The following FGF18 variants were observed in gnomAD, a reference collection of about 807,000 sequenced individuals.
FGF18 encodes the protein fibroblast growth factor 18.
FGF18 carries 5 observed loss-of-function variants against 23.0 expected under a neutral mutation model. That is an observed-to-expected ratio of 0.22 (90% CI 0.11 to 0.46). The LOEUF is 0.46. Ranked by LOEUF, FGF18 falls within the 20% of genes least tolerant of loss-of-function variation. The pLI, the probability that FGF18 is intolerant of heterozygous loss-of-function variation, is 0.99. For synonymous variants in FGF18, 117 were observed against 118.9 expected (o/e 0.98, Z 0.10); for missense variants, 180 against 291.6 (o/e 0.62, Z 2.79).
chr5:171,448,250 G>A (rs1011889634), intron 3 of FGF18, among the ~76,000 whole-genome samples: 1 of 152,200 alleles, frequency 6.6e-6, no homozygotes, highest in Admixed American at 6.5e-5. Flanking sequence ...GGGAATCCCA[G>A]TGGGGATCCG....
At chr5:171,453,966 A>C (rs1215637942) in intron 4 of FGF18, among the ~76,000 whole-genome samples, 1 of 151,932 alleles carries the variant, frequency 6.6e-6, no homozygotes, top group Non-Finnish European at 1.5e-5. Context: ...TGCTCGGGGC[A>C]CCCCTGTCTT....
rs1772578517 is a variant in FGF18, at chr5:171,456,276, C to CG, written c.358-263_358-262insG. On this transcript the variant is annotated intron_variant, in intron 4 of 4. Transcript: ENST00000274625. The surrounding 1 kb of genome is among the most constrained non-coding windows in gnomAD (Gnocchi z 6.1). Reference sequence around the variant, plus strand: ...CACCCTGGCCTGTCCTCAGCAAAGTCTCTGTTAGGTGGCTTTAGCCAGAAT... The same window carrying CG: ...CACCCTGGCCTGTCCTCAGCAAAGTCGTCTGTTAGGTGGCTTTAGCCAGAAT... Among the ~76,000 whole-genome samples the CG allele has an allele frequency of 1.3e-5, 2 of 152,186 alleles. No homozygotes were observed. The highest frequency in any genetic ancestry group is 1.3e-4 in the Admixed American group (2 of 15,280).
At chr5:171,453,311 G>A (rs978306686) in intron 4 of FGF18, among the ~76,000 whole-genome samples, 2 of 152,156 alleles carry the variant, frequency 1.3e-5, no homozygotes, top group African/African-American at 4.8e-5. Context: ...TAGCCCCAGG[G>A]CTGGTTCCCA....
chr5:171,441,567 T>G (rs750161001), intron 3 of FGF18, among the ~76,000 whole-genome samples: 2 of 152,222 alleles, frequency 1.3e-5, no homozygotes, highest in Non-Finnish European at 2.9e-5. Flanking sequence ...GATTGTCTCC[T>G]TATCAGAGAG....
At chr5:171,448,086 T>G (rs1395084957) in intron 3 of FGF18, among the ~76,000 whole-genome samples, 2 of 152,096 alleles carry the variant, frequency 1.3e-5, no homozygotes, top group Admixed American at 1.3e-4. Flanking sequence ...GAGGAAAAGA[T>G]TTGGACACAG....
intron 2 of FGF18, among the ~76,000 whole-genome samples, chr5:171,432,339 G>A (rs1042764023): frequency 6.6e-6 from 1 of 151,772 alleles, no homozygotes; most frequent in African/African-American, 2.4e-5. Context: ...GGTCGCTGAG[G>A]TGCCATGTCT....
chr5:171,439,351 T>G (rs535065670), intron 3 of FGF18, among the ~76,000 whole-genome samples: 1 of 152,334 alleles, frequency 6.6e-6, no homozygotes, highest in Non-Finnish European at 1.5e-5. Flanking sequence ...AGGGACTTTC[T>G]TAGCCTTGCC....
chr5:171,450,887 A>T (rs972606421), intron 4 of FGF18, among the ~76,000 whole-genome samples: 2 of 151,510 alleles, frequency 1.3e-5, no homozygotes, highest in Non-Finnish European at 2.9e-5. Context: ...ACCTGCTTTG[A>T]GTTTTCGGCT....
chr5:171,451,152 T>TC lies in FGF18; in HGVS notation c.357+1902dup, dbSNP rs1476271176. Among the ~76,000 whole-genome samples, 1 of 147,584 alleles carries TC rather than the reference T, an allele frequency of 6.8e-6. No homozygotes were observed. Among genetic ancestry groups the TC allele is most frequent in the Non-Finnish European group, 1.5e-5 (1 of 66,950 alleles). On this transcript the variant is annotated intron_variant, in intron 4 of 4. Coordinates refer to ENST00000274625, the MANE Select transcript of FGF18 (RefSeq NM_003862.3). This position sits in a 1 kb window ranked among gnomAD's most constrained non-coding sequence, Gnocchi z 4.5. The stretch of plus-strand genomic sequence containing the variant: ...CGATTTCCTGCCCCCTCGCCCTCTC[T>TC]CCCGTCATTAATATTGGTGACGGTT...
chr5:171,429,223 C>T (rs2113334915), intron 2 of FGF18, among the ~76,000 whole-genome samples: 1 of 152,358 alleles, frequency 6.6e-6, no homozygotes, highest in African/African-American at 2.4e-5. Context: ...GCTTCAGATC[C>T]AGAGATGGGT....
chr5:171,420,489 G>A, intron 2 of FGF18, 46 bp downstream of exon 2: 1 of 1,586,378 alleles, frequency 6.3e-7, no homozygotes, highest in Non-Finnish European at 8.6e-7. Flanking sequence ...CTGCCTCGCG[G>A]TACACGCCGA....
chr5:171,433,132 T>TG (rs2113340898), intron 2 of FGF18, among the ~76,000 whole-genome samples: 1 of 152,222 alleles, frequency 6.6e-6, no homozygotes, highest in African/African-American at 2.4e-5. Context: ...GCCACCTCCC[T>TG]GGGGGCTGAT....
At chr5:171,439,399 T>A (rs1317242474) in intron 3 of FGF18, among the ~76,000 whole-genome samples, 1 of 152,134 alleles carries the variant, frequency 6.6e-6, no homozygotes, top group East Asian at 1.9e-4. Context: ...GCCAGAGGGC[T>A]GGAGGCTTAG....
intron 2 of FGF18, among the ~76,000 whole-genome samples, chr5:171,433,504 C>T (rs760402739): frequency 9.2e-5 from 14 of 152,152 alleles, no homozygotes; most frequent in South Asian, 6.2e-4. Context: ...GGGAGTCTTC[C>T]GGACAAATGC....
In FGF18 at chr5:171,436,136, A is replaced by G; in HGVS notation, c.113A>G (p.Glu38Gly). The change falls in exon 3 of 5, where the codon GAG becomes GGG. Residue 38 changes from glutamate to glycine, a missense_variant. Glu to Gly is a moderately conservative substitution (Grantham distance 98, BLOSUM62 -2). Around this residue, in one of 3 missense-constraint regions of FGF18, gnomAD observed 57 missense variants for 59.8 expected, o/e 0.95. Transcript: ENST00000274625. This position sits in a 1 kb window ranked among gnomAD's most constrained non-coding sequence, Gnocchi z 4.4. Reference protein sequence around the residue: ...EENVDFRIHVENQTRARDDVS... With the variant: ...EENVDFRIHVGNQTRARDDVS... ...AACGTGGACTTCCGCATCCACGTGG[A>G]GAACCAGACGCGGGCTCGGGACGAT... 6.3e-7 allele frequency: 1 copy of G among 1,582,522 alleles called. No individual in the cohort carries two copies. Among genetic ancestry groups the G allele is most frequent in the Non-Finnish European group, 8.6e-7 (1 of 1,160,324 alleles).
At chr5:171,428,944 C>G (rs1002192089) in intron 2 of FGF18, among the ~76,000 whole-genome samples, 4 of 152,238 alleles carry the variant, frequency 2.6e-5, no homozygotes, top group East Asian at 1.9e-4. Flanking sequence ...CCCAACCCCC[C>G]ATCCTGCAGT....
intron 2 of FGF18, among the ~76,000 whole-genome samples, chr5:171,424,998 G>C (rs555014720): frequency 6.6e-6 from 1 of 152,330 alleles, no homozygotes; most frequent in South Asian, 2.1e-4. Context: ...CAGCCCATCG[G>C]TCACAGATGC....
At chr5:171,454,203 A>G (rs1415083615) in intron 4 of FGF18, among the ~76,000 whole-genome samples, 1 of 152,194 alleles carries the variant, frequency 6.6e-6, no homozygotes, top group East Asian at 1.9e-4. Context: ...GAAGTCCTGG[A>G]AGGCTTCCCA....
chr5:171,446,043 A>T (rs558127610), intron 3 of FGF18, among the ~76,000 whole-genome samples: 2 of 152,170 alleles, frequency 1.3e-5, no homozygotes, highest in African/African-American at 4.8e-5. Context: ...TCTTTCTCTG[A>T]GAACTGCTGC....
Sources: gnomAD v4.1 joint callset for allele counts (sites outside exome capture counted in the v4.1 genomes callset) on GRCh38, gnomAD v4.1.1 for gene constraint, gnomAD v4.1.1 regional missense constraint, Gnocchi (gnomAD v3.1) non-coding constraint, MANE v1.5 for transcripts, NCBI Gene and HGNC (gene_info 2026-07-23, HGNC 2026-07-21) for gene names.